KCND3: variants seen among roughly 807,000 people sequenced by gnomAD.
The protein encoded by KCND3 is potassium voltage-gated channel subfamily D member 3, also known as A-type voltage-gated potassium channel KCND3.
Under a neutral mutation model 51.1 loss-of-function variants are expected in KCND3, and 9 were observed. That is an observed-to-expected ratio of 0.18 (90% CI 0.11 to 0.31). The LOEUF is 0.31. KCND3 is among the 10% of genes least tolerant of loss of function. The pLI is 1.00. For missense variants in KCND3, 526 were observed against 903.8 expected (o/e 0.58, Z 5.36); for synonymous variants, 349 against 368.0 (o/e 0.95, Z 0.59).
intron 2 of KCND3, among the ~76,000 whole-genome samples, chr1:111,918,241 C>A (rs1267706515): frequency 6.6e-6 from 1 of 152,182 alleles, no homozygotes; most frequent in African/African-American, 2.4e-5. Context: ...GACGTCAATG[C>A]TAGCAGTTGT....
chr1:111,824,462 A>G (rs1666487440), intron 2 of KCND3, among the ~76,000 whole-genome samples: 1 of 152,208 alleles, frequency 6.6e-6, no homozygotes, highest in Non-Finnish European at 1.5e-5. Flanking sequence ...AATTCTAGCC[A>G]GATGCTGTTG....
At chr1:111,934,698 A>G (rs188230033) in intron 2 of KCND3, among the ~76,000 whole-genome samples, 1 of 152,356 alleles carries the variant, frequency 6.6e-6, no homozygotes, top group East Asian at 1.9e-4. Flanking sequence ...GGGTGTGGAC[A>G]GTGCAGGCAG....
Position 111,774,935 on chromosome 1 carries a change from C to A in KCND3, c.*1142G>T, listed in dbSNP as rs982336252. On this transcript the variant is annotated 3_prime_UTR_variant, in exon 8 of 8. Coordinates refer to ENST00000302127, the MANE Select transcript of KCND3 (RefSeq NM_001378969.1). Reference sequence around the variant, plus strand: ...CGAGCCCTGGGTCCTTCCGTTCTCCCCTCACTGGCACATACCAGAGTTGAC... The same window carrying A: ...CGAGCCCTGGGTCCTTCCGTTCTCCACTCACTGGCACATACCAGAGTTGAC... 6.6e-6 allele frequency: 1 copy of A among 152,298 alleles called. No individual in the cohort carries two copies. Among genetic ancestry groups the A allele is most frequent in the Non-Finnish European group, 1.5e-5 (1 of 68,152 alleles). 9.4% of individuals were successfully genotyped at this position (152,298 alleles called of 1,614,324 possible).
At chr1:111,928,243 T>C (rs773198420) in intron 2 of KCND3, among the ~76,000 whole-genome samples, 3 of 152,162 alleles carry the variant, frequency 2.0e-5, no homozygotes, top group Admixed American at 6.5e-5. Context: ...CAAATACTTG[T>C]TAAATGAATG....
At chr1:111,872,367 A>G (rs540439254) in intron 2 of KCND3, among the ~76,000 whole-genome samples, 5 of 152,370 alleles carry the variant, frequency 3.3e-5, no homozygotes, top group African/African-American at 9.6e-5. Flanking sequence ...CTTTAAAGAC[A>G]GAGAAGCCCT....
chr1:111,907,911 T>C (rs1670722173), intron 2 of KCND3, among the ~76,000 whole-genome samples: 1 of 152,252 alleles, frequency 6.6e-6, no homozygotes, highest in South Asian at 2.1e-4. Flanking sequence ...CTCTCTGCAG[T>C]GTCTCCAGAA....
intron 2 of KCND3, among the ~76,000 whole-genome samples, chr1:111,886,840 ATATGCTTGACCAC>A (rs963450558): frequency 6.6e-6 from 1 of 152,218 alleles, no homozygotes; most frequent in Non-Finnish European, 1.5e-5. Flanking sequence ...CCCAACACAT[ATATGCTTGACCAC>A]TAAGCCTCCT....
chr1:111,982,064 G>A lies in KCND3; in HGVS notation c.663C>T (p.Arg221=), dbSNP rs752065241. Residue 221 remains arginine, a synonymous_variant, in exon 2 of 8, where the codon CGC becomes CGT. Transcript: ENST00000302127. The surrounding 1 kb of genome is among the most constrained non-coding windows in gnomAD (Gnocchi z 8.5). ...CCAGGCAGAAGAAGGCCACCGAGTA[G>A]CGCTCCCCGCACGGCAGCTCCTTGC... ...PGSKELPCGE[R]YSVAFFCLDT... 6.2e-7 allele frequency: 1 copy of A among 1,613,808 alleles called. No homozygotes were observed. The highest frequency in any genetic ancestry group is 8.5e-7 in the Non-Finnish European group (1 of 1,179,994).
intron 2 of KCND3, among the ~76,000 whole-genome samples, chr1:111,972,528 A>T (rs1183786370): frequency 6.6e-6 from 1 of 152,216 alleles, no homozygotes. Context: ...CTTCCCAAAC[A>T]TCAAGCCCTT....
chr1:111,978,191 G>A (rs1237326321), intron 2 of KCND3, among the ~76,000 whole-genome samples: 3 of 152,196 alleles, frequency 2.0e-5, no homozygotes, highest in Non-Finnish European at 4.4e-5. Context: ...ACTCATCAAC[G>A]AGGTGCTGGG....
intron 2 of KCND3, among the ~76,000 whole-genome samples, chr1:111,836,472 A>C (rs1667069857): frequency 6.6e-6 from 1 of 152,192 alleles, no homozygotes; most frequent in African/African-American, 2.4e-5. Context: ...GGGATGGGTT[A>C]TGATTCTCAG....
intron 2 of KCND3, among the ~76,000 whole-genome samples, chr1:111,922,562 C>T (rs1264917222): frequency 6.6e-6 from 1 of 152,214 alleles, no homozygotes; most frequent in African/African-American, 2.4e-5. Context: ...GTTTGCTTAT[C>T]CTCTCTGTGC....
intron 2 of KCND3, among the ~76,000 whole-genome samples, chr1:111,816,982 T>G (rs1174524138): frequency 6.6e-6 from 1 of 152,154 alleles, no homozygotes; most frequent in Non-Finnish European, 1.5e-5. Flanking sequence ...TGCACATACA[T>G]GCACACATCA....
At chr1:111,787,353 C>T (rs1239995232) in intron 2 of KCND3, among the ~76,000 whole-genome samples, 1 of 152,186 alleles carries the variant, frequency 6.6e-6, no homozygotes, top group African/African-American at 2.4e-5. Flanking sequence ...AATATCATGT[C>T]TTTGTTGGTT....
chr1:111,811,559 C>A (rs907589731), intron 2 of KCND3, among the ~76,000 whole-genome samples: 3 of 152,086 alleles, frequency 2.0e-5, no homozygotes, highest in African/African-American at 7.2e-5. Context: ...GTGAGTCGAT[C>A]TTTAAGGTTT....
At chr1:111,828,704 C>T (rs1326002823) in intron 2 of KCND3, among the ~76,000 whole-genome samples, 1 of 152,218 alleles carries the variant, frequency 6.6e-6, no homozygotes, top group Non-Finnish European at 1.5e-5. Flanking sequence ...CATCCTGCCA[C>T]CAGCTCTGCT....
intron 2 of KCND3, among the ~76,000 whole-genome samples, chr1:111,802,541 G>T (rs1665364800): frequency 6.6e-6 from 1 of 152,228 alleles, no homozygotes; most frequent in Non-Finnish European, 1.5e-5. Flanking sequence ...GTAAAATTGA[G>T]AATAATGTCT....
chr1:111,987,314 A>G (rs1277638718), intron 1 of KCND3, among the ~76,000 whole-genome samples: 1 of 151,874 alleles, frequency 6.6e-6, no homozygotes, highest in East Asian at 1.9e-4. Context: ...GGAAAAATTA[A>G]CCCCTCCCTA....
chr1:111,904,399 G>A (rs1446569908), intron 2 of KCND3, among the ~76,000 whole-genome samples: 1 of 152,166 alleles, frequency 6.6e-6, no homozygotes, highest in Non-Finnish European at 1.5e-5. Flanking sequence ...CCCTTTAGGG[G>A]CAGCTTTCCT....
Sources: gnomAD v4.1 joint callset for allele counts (sites outside exome capture counted in the v4.1 genomes callset) on GRCh38, gnomAD v4.1.1 for gene constraint, Gnocchi (gnomAD v3.1) non-coding constraint, MANE v1.5 for transcripts, NCBI Gene and HGNC (gene_info 2026-07-23, HGNC 2026-07-21) for gene names.